LRRC4C: variants seen among roughly 807,000 people sequenced by gnomAD.
LRRC4C encodes leucine rich repeat containing 4C, also known as leucine-rich repeat-containing protein 4C.
LRRC4C carries 5 observed loss-of-function variants against 33.6 expected under a neutral mutation model. The observed-to-expected ratio is 0.15, with a 90% CI of 0.08 to 0.31. The LOEUF (loss-of-function observed/expected upper bound fraction) is 0.31, where lower values mean the gene tolerates loss of function less well. Among genes scored for constraint, LRRC4C ranks in the 10% least tolerant of loss-of-function variants. LRRC4C has a pLI of 1.00. For synonymous variants in LRRC4C, 329 were observed against 302.0 expected (o/e 1.09, Z -0.93); for missense variants, 560 against 796.7 (o/e 0.70, Z 3.58).
chr11:41,261,409 T>C (rs1263879237), intron 1 of LRRC4C, among the ~76,000 whole-genome samples: 1 of 152,094 alleles, frequency 6.6e-6, no homozygotes, highest in South Asian at 2.1e-4. Flanking sequence ...GTCTCTGAAC[T>C]GGGTGACATT....
rs77820700 is a variant in LRRC4C, at chr11:40,542,052, C to CTCTTTCTTTCTTTCTTTCTT, written c.-270+106089_-270+106090insAAGAAAGAAAGAAAGAAAGA. On this transcript the variant is annotated intron_variant, in intron 3 of 6. Transcript: ENST00000528697. ...TCTCTTTCTCTTTCTTTCTCTTTCT[C>CTCTTTCTTTCTTTCTTTCTT]TCTTTCTTTCTTTCTCTCTCTCTTT... Among the ~76,000 whole-genome samples, 6 of 149,376 alleles carry CTCTTTCTTTCTTTCTTTCTT rather than the reference C, an allele frequency of 4.0e-5. No individual in the cohort carries two copies. In the South Asian group the frequency reaches 6.4e-4, roughly 16 times the overall value.
chr11:40,500,872 A>G (rs553067190), intron 3 of LRRC4C, among the ~76,000 whole-genome samples: 1 of 152,194 alleles, frequency 6.6e-6, no homozygotes, highest in South Asian at 2.1e-4. Flanking sequence ...CATTAACTCA[A>G]AAGTTCACAG....
At chr11:40,687,416 A>C (rs1266371862) in intron 2 of LRRC4C, among the ~76,000 whole-genome samples, 3 of 152,076 alleles carry the variant, frequency 2.0e-5, no homozygotes, top group South Asian at 2.1e-4. Flanking sequence ...ATAGATAGAT[A>C]GATCGATCCT....
chr11:41,394,404 G>A (rs190396353), intron 1 of LRRC4C, among the ~76,000 whole-genome samples: 41 of 151,910 alleles, frequency 2.7e-4, no homozygotes, highest in Non-Finnish European at 5.3e-4. Context: ...TTTCAGATGC[G>A]CCTCCCTGCA....
At position 41,018,745 on chromosome 11, in the gene LRRC4C, G is replaced by C. The variant is rs182629327; in HGVS notation, c.-495-85022C>G. 2.9e-3 allele frequency among the ~76,000 whole-genome samples: 449 copies of C among 152,264 alleles called. 1 individual carries two copies. The highest frequency in any genetic ancestry group is 4.3e-3 in the Non-Finnish European group (290 of 68,018). On this transcript the variant is annotated intron_variant, in intron 1 of 6. Coordinates refer to ENST00000528697, the MANE Select transcript of LRRC4C (RefSeq NM_001258419.2). Reference sequence around the variant, plus strand: ...CTGCCACAGTGGGAATGAGCTGACAGATTAATACCAGATTCCAATGCAGGT... The same window carrying C: ...CTGCCACAGTGGGAATGAGCTGACACATTAATACCAGATTCCAATGCAGGT...
chr11:41,306,021 T>TAAAAA (rs1158183443), intron 1 of LRRC4C, among the ~76,000 whole-genome samples: 1 of 110,458 alleles, frequency 9.1e-6, no homozygotes, highest in African/African-American at 3.0e-5. Context: ...TTTCTTTCTC[T>TAAAAA]AAAAAAAAAA....
intron 3 of LRRC4C, among the ~76,000 whole-genome samples, chr11:40,500,542 C>T (rs375158560): frequency 2.6e-5 from 4 of 151,770 alleles, no homozygotes; most frequent in Admixed American, 2.6e-4. Flanking sequence ...GCAAAAGGCA[C>T]GTTTAACATG....
At chr11:41,452,855 A>T (rs1017633152) in intron 1 of LRRC4C, among the ~76,000 whole-genome samples, 1 of 152,144 alleles carries the variant, frequency 6.6e-6, no homozygotes, top group African/African-American at 2.4e-5. Flanking sequence ...GAGTACAACA[A>T]CATTTATACA....
chr11:40,218,594 G>C (rs1423319282), intron 5 of LRRC4C, among the ~76,000 whole-genome samples: 1 of 70,292 alleles, frequency 1.4e-5, no homozygotes. Context: ...ATGTATGTAT[G>C]TATGTATGTA....
chr11:40,783,065 G>C (rs569365586), intron 2 of LRRC4C, among the ~76,000 whole-genome samples: 51 of 151,974 alleles, frequency 3.4e-4, no homozygotes, highest in African/African-American at 1.2e-3. Context: ...ACATATTATT[G>C]GTTCATAGTC....
chr11:40,597,148 G>A (rs540574497), intron 3 of LRRC4C, among the ~76,000 whole-genome samples: 32 of 152,156 alleles, frequency 2.1e-4, no homozygotes, highest in Admixed American at 1.2e-3. Flanking sequence ...TAAGTTCTTC[G>A]ATTGGACCCA....
chr11:41,227,950 G>A (rs1277561087), intron 1 of LRRC4C, among the ~76,000 whole-genome samples: 1 of 151,894 alleles, frequency 6.6e-6, no homozygotes, highest in Non-Finnish European at 1.5e-5. Context: ...CTTAACAGTT[G>A]ATCAATAATA....
intron 1 of LRRC4C, among the ~76,000 whole-genome samples, chr11:41,456,892 T>C (rs1003428171): frequency 2.0e-5 from 3 of 152,142 alleles, no homozygotes; most frequent in African/African-American, 7.2e-5. Context: ...GATGCAAAGT[T>C]ACAGTTGTGC....
chr11:40,462,897 G>C (rs773389001), intron 3 of LRRC4C, among the ~76,000 whole-genome samples: 3 of 151,966 alleles, frequency 2.0e-5, no homozygotes, highest in Non-Finnish European at 4.4e-5. Context: ...TCAAAAAATG[G>C]ATGAAGAATC....
rs147017314 is a variant in LRRC4C, at chr11:40,759,936, TCAAA to T, written c.-406-111662_-406-111659del. ...AAGGTAATTAGGTGAAGTAGAGAAT[TCAAA>T]CAAACAAACAAACAACAACAACAAA... On this transcript the variant is annotated intron_variant, in intron 2 of 6. Transcript: ENST00000528697. Among the ~76,000 whole-genome samples, 382 of 142,430 alleles carry T rather than the reference TCAAA, an allele frequency of 2.7e-3. 4 individuals are homozygous for T. The highest frequency in any genetic ancestry group is 3.5e-3 in the Admixed American group (50 of 14,214). The allele number at this position is 142,430 out of a possible 152,430, so 93.4% of individuals were successfully genotyped here.
intron 1 of LRRC4C, among the ~76,000 whole-genome samples, chr11:41,253,918 TA>T (rs1948720180): frequency 6.6e-6 from 1 of 152,096 alleles, no homozygotes; most frequent in Non-Finnish European, 1.5e-5. Context: ...TTAATTTCCC[TA>T]AGCCCGTTCT....
chr11:41,452,498 G>A (rs1381557427), intron 1 of LRRC4C, among the ~76,000 whole-genome samples: 1 of 152,102 alleles, frequency 6.6e-6, no homozygotes, highest in East Asian at 1.9e-4. Flanking sequence ...ACAGTTTTAA[G>A]TGGAAGAAAG....
intron 4 of LRRC4C, among the ~76,000 whole-genome samples, chr11:40,282,144 T>C (rs1048909706): frequency 6.6e-6 from 1 of 151,320 alleles, no homozygotes; most frequent in African/African-American, 2.4e-5. Flanking sequence ...AAGACGGGAG[T>C]TTGAGATCAG....
intron 1 of LRRC4C, among the ~76,000 whole-genome samples, chr11:40,935,191 G>A (rs1957816866): frequency 6.6e-6 from 1 of 152,138 alleles, no homozygotes; most frequent in Non-Finnish European, 1.5e-5. Flanking sequence ...AAACAGGTAT[G>A]TAGTAGGGGC....
Sources: allele counts gnomAD v4.1 joint callset (sites outside exome capture counted in the v4.1 genomes callset), GRCh38; gene constraint gnomAD v4.1.1; transcripts MANE v1.5; gene names NCBI Gene and HGNC (gene_info 2026-07-23, HGNC 2026-07-21).